The following TFB1M variants were observed in gnomAD, a reference collection of about 807,000 sequenced individuals.
TFB1M encodes transcription factor B1, mitochondrial.
TFB1M carries 27 observed loss-of-function variants against 31.1 expected under a neutral mutation model. The ratio of observed to expected loss-of-function variants is 0.87; its 90% CI spans 0.64 to 1.20. The LOEUF is 1.20. Among genes scored for constraint, TFB1M ranks in the 50% most tolerant of loss-of-function variants. The pLI is 0.00. For synonymous variants in TFB1M, 166 were observed against 151.8 expected (o/e 1.09, Z -0.69); for missense variants, 394 against 418.7 (o/e 0.94, Z 0.51).
At chr6:155,236,124 G>C in the TFB1M span, among the ~76,000 whole-genome samples, 1 of 151,956 alleles carries the variant, frequency 6.6e-6, no homozygotes, top group Admixed American at 6.6e-5. Context: ...TTATCATCGT[G>C]AACATTTTAG....
the TFB1M span, among the ~76,000 whole-genome samples, chr6:155,246,508 A>G: frequency 6.6e-6 from 1 of 152,142 alleles, no homozygotes; most frequent in South Asian, 2.1e-4. Flanking sequence ...TTAAAAATGT[A>G]AAAATGTTCG....
At chr6:155,275,437 A>AC (rs941494809) in intron 5 of TFB1M, among the ~76,000 whole-genome samples, 3 of 151,964 alleles carry the variant, frequency 2.0e-5, no homozygotes, top group African/African-American at 7.3e-5. Flanking sequence ...CATGCATATC[A>AC]CTCAGACCAG....
At chr6:155,305,602 AATAT>A (rs1194940706) in intron 2 of TFB1M, among the ~76,000 whole-genome samples, 308 of 10,998 alleles carry the variant, frequency 0.028, 44 homozygotes, top group South Asian at 0.057. Flanking sequence ...TTTATATATA[AATAT>A]ATATATATTA....
At chr6:155,275,575 ACTTT>A (rs1785150142) in intron 5 of TFB1M, 6 of 768,816 alleles carry the variant, frequency 7.8e-6, no homozygotes, top group South Asian at 3.5e-5. Flanking sequence ...TTGTTTACTT[ACTTT>A]CTTTCGCTCA....
chr6:155,295,705 C>A (rs1777139747), intron 4 of TFB1M, among the ~76,000 whole-genome samples: 1 of 152,092 alleles, frequency 6.6e-6, no homozygotes, highest in East Asian at 1.9e-4. Flanking sequence ...AATCCCAGAT[C>A]AAAAATATTC....
At chr6:155,295,718 G>A (rs1056806066) in intron 4 of TFB1M, among the ~76,000 whole-genome samples, 1 of 151,858 alleles carries the variant, frequency 6.6e-6, no homozygotes, top group African/African-American at 2.4e-5. Context: ...AAATATTCAG[G>A]GAATAAAAAA....
intron 2 of TFB1M, among the ~76,000 whole-genome samples, chr6:155,309,533 T>C (rs550806545): frequency 6.6e-6 from 1 of 152,268 alleles, no homozygotes; most frequent in East Asian, 1.9e-4. Flanking sequence ...TTTTCAACAA[T>C]CTGCCTTCAA....
At chr6:155,259,068 A>G (rs1263087893) in intron 6 of TFB1M, among the ~76,000 whole-genome samples, 1 of 152,214 alleles carries the variant, frequency 6.6e-6, no homozygotes, top group Non-Finnish European at 1.5e-5. Flanking sequence ...CGCTAGTGCC[A>G]GCTCTAGGCT....
chr6:155,257,205 A>AC lies in TFB1M; in HGVS notation c.*630_*631insG, dbSNP rs1281957049. 5.6e-6 allele frequency: 8 copies of AC among 1,416,280 alleles called. No individual in the cohort carries two copies. Among genetic ancestry groups the AC allele is most frequent in the African/African-American group, 2.9e-5 (2 of 68,888 alleles). 87.7% of individuals were successfully genotyped at this position (1,416,280 alleles called of 1,614,324 possible). A position where few individuals can be genotyped will look rare whatever the true frequency, so the allele number is the denominator to read the frequency against. ...GTGGAAATTGCAAAAAAAAAAAAAA[A>AC]AAAAAACTGTTCATTCCTGGGTTTT... On this transcript the variant is annotated 3_prime_UTR_variant, in exon 7 of 7. Coordinates refer to ENST00000367166, the MANE Select transcript of TFB1M (RefSeq NM_016020.4).
chr6:155,288,364 A>G (rs1234144367), intron 4 of TFB1M, among the ~76,000 whole-genome samples: 2 of 152,238 alleles, frequency 1.3e-5, no homozygotes, highest in South Asian at 2.1e-4. Flanking sequence ...ATGTAAAACC[A>G]AGACACATAT....
At chr6:155,307,150 C>T (rs1410357083) in intron 2 of TFB1M, among the ~76,000 whole-genome samples, 1 of 151,496 alleles carries the variant, frequency 6.6e-6, no homozygotes, top group Non-Finnish European at 1.5e-5. Flanking sequence ...CACACACACA[C>T]ACACACACAC....
intron 5 of TFB1M, among the ~76,000 whole-genome samples, chr6:155,269,486 T>C (rs900542006): frequency 1.3e-5 from 2 of 151,964 alleles, no homozygotes; most frequent in African/African-American, 2.4e-5. Context: ...TACGCCTGGC[T>C]AATTTTTGTA....
chr6:155,311,322 C>A lies in TFB1M; in HGVS notation c.151G>T (p.Ala51Ser). Residue 51 changes from alanine (A) to serine (S), a missense_variant, in exon 2 of 7, where the codon GCT becomes TCT. Physicochemically the swap from Ala to Ser is moderately conservative, Grantham distance 99. Around this residue, in one of 3 missense-constraint regions of TFB1M, gnomAD observed 273 missense variants for 256.4 expected, o/e 1.06. Coordinates refer to ENST00000367166, the MANE Select transcript of TFB1M (RefSeq NM_016020.4). ...ACATAAGCATTTGTCAGATTGCCAG[C>A]TTTCCTTACAATCTTATCTAGAGGA... The part of the protein sequence containing the change: ...LRLTDKIVRK[A>S]GNLTNAYVYE... The A allele has an allele frequency of 6.2e-7, 1 of 1,613,928 alleles. No homozygotes were observed. Among genetic ancestry groups the A allele is most frequent in the East Asian group, 2.2e-5 (1 of 44,880 alleles).
At chr6:155,276,438 A>T (rs750017875) in intron 5 of TFB1M, 698 of 1,314,596 alleles carry the variant, frequency 5.3e-4, no homozygotes, top group Non-Finnish European at 7.0e-4. Flanking sequence ...CTTTTAGATT[A>T]AAAAAAAATC....
At chr6:155,300,745 A>C (rs530876132) in intron 2 of TFB1M, among the ~76,000 whole-genome samples, 1 of 152,266 alleles carries the variant, frequency 6.6e-6, no homozygotes, top group South Asian at 2.1e-4. Context: ...CTGTATATCT[A>C]AAAGCTAATA....
intron 5 of TFB1M, among the ~76,000 whole-genome samples, chr6:155,261,504 G>A (rs765254402): frequency 3.9e-5 from 6 of 152,180 alleles, no homozygotes; most frequent in African/African-American, 1.4e-4. Flanking sequence ...GGCTTTTCTG[G>A]TTGTGTTTCT....
chr6:155,247,827 G>A, the TFB1M span, among the ~76,000 whole-genome samples: 9 of 152,180 alleles, frequency 5.9e-5, no homozygotes, highest in South Asian at 2.1e-4. Context: ...GCTGTGAGGC[G>A]GAATCCCACG....
chr6:155,243,846 CAAAAAAAAAAA>C, the TFB1M span, among the ~76,000 whole-genome samples: 17 of 55,054 alleles, frequency 3.1e-4, no homozygotes, highest in East Asian at 1.3e-3. Flanking sequence ...GACTCCGTCT[CAAAAAAAAAAA>C]AAAAAAAAAA....
the TFB1M span, among the ~76,000 whole-genome samples, chr6:155,248,872 A>G: frequency 0.012 from 1,851 of 152,302 alleles, 31 homozygotes; most frequent in Non-Finnish European, 0.015. Flanking sequence ...ATGGGGAGAG[A>G]GAGGCTTATT....
Sources: allele counts gnomAD v4.1 joint callset (sites outside exome capture counted in the v4.1 genomes callset), GRCh38; gene constraint gnomAD v4.1.1; regional missense constraint gnomAD v4.1.1; transcripts MANE v1.5; gene names NCBI Gene and HGNC (gene_info 2026-07-23, HGNC 2026-07-21).